The following SPICE1 variants were observed in gnomAD, a reference collection of about 807,000 sequenced individuals.
SPICE1 encodes the protein spindle and centriole associated protein 1.
SPICE1 carries 75 observed loss-of-function variants against 102.7 expected under a neutral mutation model. That is an observed-to-expected ratio of 0.73 (90% CI 0.61 to 0.88). The LOEUF is 0.88. Ranked by LOEUF, SPICE1 falls within the 40% of genes least tolerant of loss-of-function variation. SPICE1 has a pLI of 0.00. For synonymous variants in SPICE1, 308 were observed against 350.3 expected (o/e 0.88, Z 1.35); for missense variants, 979 against 1,020.1 (o/e 0.96, Z 0.55).
chr3:113,483,097 G>C (rs1037297943), intron 7 of SPICE1, among the ~76,000 whole-genome samples: 7 of 152,094 alleles, frequency 4.6e-5, no homozygotes, highest in Non-Finnish European at 1.0e-4. Context: ...GTGGCTTGTA[G>C]TTCTCCTTGA....
chr3:113,509,773 G>A (rs965875856), intron 1 of SPICE1, among the ~76,000 whole-genome samples: 1 of 152,210 alleles, frequency 6.6e-6, no homozygotes, highest in Non-Finnish European at 1.5e-5. Context: ...TGTGTCATGA[G>A]AGGGACCCAG....
At chr3:113,503,408 A>G (rs922065783) in intron 2 of SPICE1, among the ~76,000 whole-genome samples, 181 bp from the exon 3 acceptor site, 1 of 152,208 alleles carries the variant, frequency 6.6e-6, no homozygotes, top group East Asian at 1.9e-4. Flanking sequence ...TGTCCTATTT[A>G]TAGAAAATAA....
chr3:113,480,977 T>C (rs1044273318), intron 7 of SPICE1, among the ~76,000 whole-genome samples: 3 of 103,982 alleles, frequency 2.9e-5, no homozygotes, highest in Non-Finnish European at 5.9e-5. Context: ...GAGGAAACAA[T>C]AGAAGCATTT....
In SPICE1 at chr3:113,450,491, G is replaced by A. The variant is rs750476850; in HGVS notation, c.2168C>T (p.Thr723Ile). ...AATCCGTTCCTCCATACTACCTGGTGTTAGAGACTGTGCTACTGGAAAAGT... is the reference window on the plus strand; with the variant it reads ...AATCCGTTCCTCCATACTACCTGGTATTAGAGACTGTGCTACTGGAAAAGT... Reference protein sequence around the residue: ...TSTFPVAQSLTPGSMEERIAE... With the variant: ...TSTFPVAQSLIPGSMEERIAE... Residue 723 changes from threonine to isoleucine, a missense_variant, in exon 15 of 18, where the codon ACA becomes ATA. Thr to Ile is a moderately conservative substitution (Grantham distance 89). Coordinates refer to ENST00000295872, the MANE Select transcript of SPICE1 (RefSeq NM_144718.4). The A allele has an allele frequency of 1.1e-5, 18 of 1,608,996 alleles. No homozygotes were observed. The Admixed American group carries it at 2.0e-4, about 18-fold the overall frequency.
intron 14 of SPICE1, among the ~76,000 whole-genome samples, chr3:113,451,741 A>G (rs1935657802): frequency 6.6e-6 from 1 of 152,120 alleles, no homozygotes; most frequent in Admixed American, 6.6e-5. Flanking sequence ...TATATACACC[A>G]CTACCAATGG....
At chr3:113,483,735 T>C (rs188064665) in intron 7 of SPICE1, among the ~76,000 whole-genome samples, 6 of 152,304 alleles carry the variant, frequency 3.9e-5, no homozygotes, top group Admixed American at 2.6e-4. Context: ...GCCAACTTGA[T>C]TGTGGTGGAT....
intron 11 of SPICE1, among the ~76,000 whole-genome samples, chr3:113,461,052 C>T (rs1203521600): frequency 6.6e-6 from 1 of 151,830 alleles, no homozygotes; most frequent in Admixed American, 6.6e-5. Flanking sequence ...TAAGAATTAA[C>T]CTTTCTACAG....
chr3:113,454,091 A>G, intron 13 of SPICE1, 141 bp from the exon 14 acceptor site: 1 of 740,654 alleles, frequency 1.4e-6, no homozygotes, highest in Non-Finnish European at 2.1e-6. Flanking sequence ...AACTATTTTC[A>G]GCAGAGAACA....
chr3:113,446,752 C>G (rs1231844645), intron 16 of SPICE1, 76 bp from the exon 17 acceptor site: 4 of 1,120,294 alleles, frequency 3.6e-6, no homozygotes, highest in Non-Finnish European at 5.3e-6. Context: ...AAACAACTGA[C>G]AATTCTCAAT....
chr3:113,483,201 CTGTT>C lies in SPICE1; in HGVS notation c.611+5740_611+5743del, dbSNP rs1439806038. ...GGGAGTTCACTCATGATTTGGCTCT[CTGTT>C]TGTCTGTTATTGGTGTATAAGAATG... is the stretch of plus-strand genomic sequence containing the variant. On this transcript the variant is annotated intron_variant, in intron 7 of 17. Transcript: ENST00000295872. 3.3e-5 allele frequency among the ~76,000 whole-genome samples: 5 copies of C among 152,228 alleles called. No individual in the cohort carries two copies. In the South Asian group the frequency reaches 8.3e-4, roughly 25 times the overall value.
chr3:113,479,244 C>T (rs58764797), intron 7 of SPICE1, among the ~76,000 whole-genome samples: 3,848 of 149,722 alleles, frequency 0.026, 63 homozygotes, highest in East Asian at 0.054. Context: ...TTTGTCCTTG[C>T]GATAGTTTAC....
At position 113,494,123 on chromosome 3, in the gene SPICE1, T is replaced by C. The variant is rs138820102; in HGVS notation, c.311A>G (p.Gln104Arg). 24 of 1,609,850 alleles carry C rather than the reference T, an allele frequency of 1.5e-5. No individual in the cohort carries two copies. In the African/African-American group the frequency reaches 2.8e-4, roughly 19 times the overall value. ...AGATTTCTCCAACACATCTTGCATC[T>C]GGTATTGATCAGAAAGAATCTAGAC... ...IMKEILSDQY[Q>R]MQDVLEKSDH... is the part of the protein sequence containing the mutation. Residue 104 changes from glutamine (Q) to arginine (R), a missense_variant, in exon 5 of 18, where the codon CAG (glutamine) becomes CGG (arginine). Physicochemically the swap from Gln to Arg is conservative, Grantham distance 43 (BLOSUM62 1). Transcript: ENST00000295872.
intron 7 of SPICE1, among the ~76,000 whole-genome samples, chr3:113,478,591 A>G (rs540746953): frequency 6.6e-6 from 1 of 152,324 alleles, no homozygotes; most frequent in South Asian, 2.1e-4. Flanking sequence ...GAAAGGAAGT[A>G]TTTAACTCTG....
chr3:113,514,799 GCT>G, intron 1 of SPICE1, 96 bp downstream of exon 1: 1 of 1,280,348 alleles, frequency 7.8e-7, no homozygotes. Context: ...CCAATTACCA[GCT>G]CTGTGCAAAA....
At position 113,453,813 on chromosome 3, in the gene SPICE1, G is replaced by A. The variant is rs1424681993; in HGVS notation, c.1795C>T (p.Leu599Phe). Residue 599 changes from leucine (L) to phenylalanine (F), a missense_variant, in exon 14 of 18, where the codon CTC becomes TTC. By Grantham distance (22) the Leu-to-Phe change is conservative. Coordinates refer to ENST00000295872, the MANE Select transcript of SPICE1 (RefSeq NM_144718.4). ...GAGACTCTCCATCTCTGAGTGAAGAGACGATTCTCTTCACTTGAATTCTGA... is the reference window on the plus strand; with the variant it reads ...GAGACTCTCCATCTCTGAGTGAAGAAACGATTCTCTTCACTTGAATTCTGA... ...DIQNSSEENR[L>F]FTQRWRVSHM... is the part of the protein sequence containing the mutation. 1.2e-6 allele frequency: 2 copies of A among 1,614,166 alleles called. No individual in the cohort carries two copies. Among genetic ancestry groups the A allele is most frequent in the South Asian group, 1.1e-5 (1 of 91,084 alleles).
At chr3:113,492,384 A>G (rs1017234121) in intron 6 of SPICE1, among the ~76,000 whole-genome samples, 1 of 152,182 alleles carries the variant, frequency 6.6e-6, no homozygotes, top group Non-Finnish European at 1.5e-5. Flanking sequence ...AGTCCTAGTC[A>G]TGCATAAGTT....
chr3:113,474,726 T>A (rs1180107783), intron 7 of SPICE1, among the ~76,000 whole-genome samples: 1 of 152,118 alleles, frequency 6.6e-6, no homozygotes. Flanking sequence ...AATAAAGATG[T>A]TCTTTGAAAC....
Position 113,444,995 on chromosome 3 carries a change from C to A in SPICE1, c.*312G>T. 1 of 181,954 alleles carries A rather than the reference C, an allele frequency of 5.5e-6. No homozygotes were observed. The highest frequency in any genetic ancestry group is 1.1e-5 in the Non-Finnish European group (1 of 88,144). The allele number at this position is 181,954 out of a possible 1,614,324, so 11.3% of individuals were successfully genotyped here. ...TAAGATATACTAAACCTCAAAAAAC[C>A]CTGAATAAAGATAAAGGTAAAAATG... On this transcript the variant is annotated 3_prime_UTR_variant, in exon 18 of 18. Coordinates refer to ENST00000295872, the MANE Select transcript of SPICE1 (RefSeq NM_144718.4).
chr3:113,499,588 CAGAAGAGAAA>C lies in SPICE1; in HGVS notation c.148-16_148-7del. The C allele has an allele frequency of 6.3e-7, 1 of 1,593,018 alleles. No individual in the cohort carries two copies. Among genetic ancestry groups the C allele is most frequent in the South Asian group, 1.1e-5 (1 of 86,984 alleles). On this transcript the variant is annotated splice_polypyrimidine_tract_variant and splice_region_variant and intron_variant, in intron 3 of 17. Coordinates refer to ENST00000295872, the MANE Select transcript of SPICE1 (RefSeq NM_144718.4). ...TGTATTTCATGACGGCGTACCTATA[CAGAAGAGAAA>C]AGTACATAAAGGAATGTTTCAGACA... is the stretch of plus-strand genomic sequence containing the variant.
Sources: allele counts gnomAD v4.1 joint callset (sites outside exome capture counted in the v4.1 genomes callset), GRCh38; gene constraint gnomAD v4.1.1; transcripts MANE v1.5; gene names NCBI Gene and HGNC (gene_info 2026-07-23, HGNC 2026-07-21).